The following NIPA1 variants were observed in gnomAD, a reference collection of about 807,000 sequenced individuals.
NIPA1 encodes NIPA magnesium transporter 1, also known as magnesium transporter NIPA1.
NIPA1 carries 13 observed loss-of-function variants against 23.9 expected under a neutral mutation model. The ratio of observed to expected loss-of-function variants is 0.54; its 90% CI spans 0.35 to 0.87. The LOEUF (loss-of-function observed/expected upper bound fraction) is 0.87, where lower values mean the gene tolerates loss of function less well. Among genes scored for constraint, NIPA1 ranks in the 40% least tolerant of loss-of-function variants. The pLI is 0.01. For synonymous variants in NIPA1, 234 were observed against 202.9 expected (o/e 1.15, Z -1.30); for missense variants, 362 against 429.7 (o/e 0.84, Z 1.39).
chr15:22,791,537 G>A (rs1384162605), intron 1 of NIPA1, among the ~76,000 whole-genome samples: 2 of 139,654 alleles, frequency 1.4e-5, no homozygotes, highest in Non-Finnish European at 3.0e-5. Context: ...AGGCTGGAGT[G>A]CAGTGGTGCC....
intron 1 of NIPA1, among the ~76,000 whole-genome samples, chr15:22,793,025 C>T (rs1264678197): frequency 6.6e-6 from 1 of 152,128 alleles, no homozygotes; most frequent in Non-Finnish European, 1.5e-5. Flanking sequence ...CACACCACTG[C>T]ACTCCAGCCT....
intron 1 of NIPA1, among the ~76,000 whole-genome samples, chr15:22,792,818 G>A (rs1894860695): frequency 6.6e-6 from 1 of 152,000 alleles, no homozygotes; most frequent in Admixed American, 6.5e-5. Flanking sequence ...TCCGGGTGTG[G>A]TGGTGGGCAC....
At chr15:22,789,502 C>T (rs1346242836) in intron 1 of NIPA1, among the ~76,000 whole-genome samples, 21 of 152,046 alleles carry the variant, frequency 1.4e-4, no homozygotes, top group Non-Finnish European at 4.4e-5. Context: ...GACCAGCCGG[C>T]GGGGCAGAGT....
At chr15:22,816,638 C>T (rs1895425987) in intron 3 of NIPA1, among the ~76,000 whole-genome samples, 1 of 149,310 alleles carries the variant, frequency 6.7e-6, no homozygotes, top group Admixed American at 6.7e-5. Flanking sequence ...TTACAGGTGC[C>T]CACCACCACG....
chr15:22,792,368 T>TA (rs1486796979), intron 1 of NIPA1, among the ~76,000 whole-genome samples: 2 of 150,738 alleles, frequency 1.3e-5, no homozygotes, highest in Non-Finnish European at 3.0e-5. Flanking sequence ...GCTTTTTTCT[T>TA]TTTTTTTTGA....
chr15:22,799,297 G>T (rs1401527743), intron 1 of NIPA1, among the ~76,000 whole-genome samples: 1 of 152,060 alleles, frequency 6.6e-6, no homozygotes, highest in African/African-American at 2.4e-5. Context: ...TGGAGCTGGA[G>T]GCCATTATCC....
intron 4 of NIPA1, among the ~76,000 whole-genome samples, chr15:22,823,036 A>G (rs1324705790): frequency 7.1e-6 from 1 of 141,052 alleles, no homozygotes; most frequent in African/African-American, 2.7e-5. Context: ...CTCCTGCCTC[A>G]GCCTCCTGAG....
intron 1 of NIPA1, among the ~76,000 whole-genome samples, chr15:22,809,905 T>C (rs1895285768): frequency 6.6e-6 from 1 of 151,888 alleles, no homozygotes; most frequent in Admixed American, 6.6e-5. Flanking sequence ...TAGCTGGGCA[T>C]GGTGGCACAT....
At chr15:22,786,606 C>T (rs1894704193), upstream of NIPA1, 4 of 793,828 alleles carry the variant, frequency 5.0e-6, no homozygotes, top group African/African-American at 1.9e-5. Flanking sequence ...CCCATCCCGC[C>T]CCGCGGGGCG....
chr15:22,817,993 G>A (rs1358898959), intron 3 of NIPA1, among the ~76,000 whole-genome samples: 2 of 152,064 alleles, frequency 1.3e-5, no homozygotes, highest in African/African-American at 4.8e-5. Flanking sequence ...GGTGGATCAC[G>A]AAGGGCACAA....
intron 3 of NIPA1, among the ~76,000 whole-genome samples, chr15:22,813,333 C>G (rs1895354899): frequency 6.6e-6 from 1 of 151,934 alleles, no homozygotes; most frequent in African/African-American, 2.4e-5. Context: ...TTTAAATCAT[C>G]TTTTTAATTG....
rs1895624501 is a variant in NIPA1, at chr15:22,825,178, GCTC to G, written c.*942_*944del. On this transcript the variant is annotated 3_prime_UTR_variant, in exon 5 of 5. Transcript: ENST00000337435. ...CCCAGGCCAGATGGTACAGCCTGTTGCTCCTGGGCCACACACCTGTACAGCATG... is the reference window on the plus strand; with the variant it reads ...CCCAGGCCAGATGGTACAGCCTGTTGCTGGGCCACACACCTGTACAGCATG... The G allele has an allele frequency of 6.6e-6, 1 of 152,212 alleles. No individual in the cohort carries two copies. Among genetic ancestry groups the G allele is most frequent in the South Asian group, 2.1e-4 (1 of 4,834 alleles). The allele number at this position is 152,212 out of a possible 1,614,324, so 9.4% of individuals were successfully genotyped here.
At chr15:22,814,637 A>T (rs1462404749) in intron 3 of NIPA1, among the ~76,000 whole-genome samples, 1 of 152,232 alleles carries the variant, frequency 6.6e-6, no homozygotes, top group East Asian at 1.9e-4. Flanking sequence ...TGAATAGAAT[A>T]GAGAGCCCCC....
chr15:22,788,235 C>T (rs907860801), intron 1 of NIPA1, among the ~76,000 whole-genome samples: 23 of 152,120 alleles, frequency 1.5e-4, no homozygotes, highest in Admixed American at 9.2e-4. Flanking sequence ...GGCGCGGTGG[C>T]TGGTGCCTGT....
chr15:22,788,105 CGCGCGTGA>C, intron 1 of NIPA1, among the ~76,000 whole-genome samples: 2 of 152,122 alleles, frequency 1.3e-5, no homozygotes, highest in African/African-American at 4.8e-5. Context: ...AGATGGTCAA[CGCGCGTGA>C]CCTTATAAAT....
rs1441006687 is a variant in NIPA1 at position 22,825,438 on chromosome 15, T to C, written c.*1199T>C. On this transcript the variant is annotated 3_prime_UTR_variant, in exon 5 of 5. Transcript: ENST00000337435. ...AATTGACCCCTTTAACATGTGATTA[T>C]TGTCCAATTAAAGACAGTTGATTTA... 6.6e-6 allele frequency: 1 copy of C among 152,228 alleles called. No homozygotes were observed. The highest frequency in any genetic ancestry group is 1.5e-5 in the Non-Finnish European group (1 of 68,040). 9.4% of individuals were successfully genotyped at this position (152,228 alleles called of 1,614,324 possible). A position where few individuals can be genotyped will look rare whatever the true frequency, so the allele number is the denominator to read the frequency against.
chr15:22,823,967 A>T lies in NIPA1; in HGVS notation c.718A>T (p.Ser240Cys). 1.2e-6 allele frequency: 2 copies of T among 1,614,180 alleles called. No individual in the cohort carries two copies. Among genetic ancestry groups the T allele is most frequent in the Non-Finnish European group, 1.7e-6 (2 of 1,180,032 alleles). ...GGTACTCCTGGCCGTGCTCGGCTGC[A>T]GCATCATCGTCCAGTTCAGGTACAT... ...CLVLLAVLGC[S>C]IIVQFRYINK... Residue 240 changes from serine to cysteine, a missense_variant, in exon 5 of 5, where the codon AGC becomes TGC. Physicochemically the swap from Ser to Cys is moderately radical, Grantham distance 112. Around this residue, in one of 2 missense-constraint regions of NIPA1, gnomAD observed 277 missense variants for 372.0 expected, o/e 0.74. Transcript: ENST00000337435.
At chr15:22,802,836 C>T (rs1895113122) in intron 1 of NIPA1, among the ~76,000 whole-genome samples, 1 of 151,886 alleles carries the variant, frequency 6.6e-6, no homozygotes, top group African/African-American at 2.4e-5. Flanking sequence ...TTTTGCTGGA[C>T]ATAGTTTGAA....
chr15:22,806,803 G>T lies in NIPA1; in HGVS notation c.179-3946G>T, dbSNP rs527409317. Among the ~76,000 whole-genome samples, 3 of 152,300 alleles carry T rather than the reference G, an allele frequency of 2.0e-5. No individual in the cohort carries two copies. In the East Asian group the frequency reaches 5.8e-4, roughly 29 times the overall value. ...TCCTAGGAGCTCCTGGCAAAAGAAG[G>T]AGGAGGGAAAATGGAGCAGCCAACT... On this transcript the variant is annotated intron_variant, in intron 1 of 4. Transcript: ENST00000337435.
Sources: gnomAD v4.1 joint callset for allele counts (sites outside exome capture counted in the v4.1 genomes callset) on GRCh38, gnomAD v4.1.1 for gene constraint, gnomAD v4.1.1 regional missense constraint, MANE v1.5 for transcripts, NCBI Gene and HGNC (gene_info 2026-07-23, HGNC 2026-07-21) for gene names.